Variants in ZDHHC7 observed in about 807,000 individuals in gnomAD.
The protein encoded by ZDHHC7 is palmitoyltransferase ZDHHC7.
A neutral mutation model predicts 34.1 loss-of-function variants in ZDHHC7; 12 were observed. The ratio of observed to expected loss-of-function variants is 0.35; its 90% CI spans 0.23 to 0.57. ZDHHC7 has a LOEUF of 0.57. Ranked by LOEUF, ZDHHC7 falls within the 20% of genes least tolerant of loss-of-function variation. The pLI, the probability that ZDHHC7 is intolerant of heterozygous loss-of-function variation, is 0.84. For synonymous variants in ZDHHC7, 185 were observed against 155.4 expected (o/e 1.19, Z -1.42); for missense variants, 388 against 402.7 (o/e 0.96, Z 0.31).
At chr16:85,008,066 T>C (rs911032021) in intron 1 of ZDHHC7, among the ~76,000 whole-genome samples, 3 of 151,712 alleles carry the variant, frequency 2.0e-5, no homozygotes, top group African/African-American at 4.9e-5. Flanking sequence ...TAGTGAGCCA[T>C]GATTGTGCCA....
chr16:85,009,714 T>TC (rs1567508850), intron 1 of ZDHHC7, among the ~76,000 whole-genome samples: 1 of 144,308 alleles, frequency 6.9e-6, no homozygotes, highest in Admixed American at 6.8e-5. Flanking sequence ...TTTTTCTTTT[T>TC]TTTTTTTTTT....
chr16:84,976,678 C>CCTCT (rs2072302450), intron 7 of ZDHHC7, among the ~76,000 whole-genome samples, 159 bp from the exon 8 acceptor site: 1 of 152,242 alleles, frequency 6.6e-6, no homozygotes, highest in Non-Finnish European at 1.5e-5. Flanking sequence ...GACCCCGTGG[C>CCTCT]CTCTGTGAGC....
intron 1 of ZDHHC7, among the ~76,000 whole-genome samples, chr16:85,002,407 A>G (rs8061350): frequency 0.37 from 56,312 of 152,110 alleles, 12,464 homozygotes; most frequent in African/African-American, 0.63. Flanking sequence ...TGGACAGAAC[A>G]CAGCCTTGAC....
intron 3 of ZDHHC7, among the ~76,000 whole-genome samples, chr16:84,987,176 G>A (rs964543286): frequency 5.9e-5 from 9 of 152,214 alleles, no homozygotes; most frequent in Middle Eastern, 3.2e-3. Context: ...GGGGCTCTGC[G>A]TACTCCCCCT....
chr16:84,988,155 A>T (rs1474000202), intron 3 of ZDHHC7, among the ~76,000 whole-genome samples: 5 of 152,098 alleles, frequency 3.3e-5, no homozygotes, highest in African/African-American at 1.2e-4. Context: ...TGGGCGACAG[A>T]GTGAGACTCC....
the ZDHHC7 span, among the ~76,000 whole-genome samples, chr16:85,022,085 G>A: frequency 8.6e-5 from 13 of 150,914 alleles, no homozygotes; most frequent in African/African-American, 3.2e-4. Context: ...GCGTGAACCC[G>A]GGAGGCGGAG....
intron 5 of ZDHHC7, among the ~76,000 whole-genome samples, chr16:84,978,808 G>A (rs1298527872): frequency 6.7e-6 from 1 of 149,238 alleles, no homozygotes; most frequent in Non-Finnish European, 1.5e-5. Context: ...GTTGCAGTGA[G>A]CTGAGATCAC....
chr16:85,010,930 A>G (rs924341223), intron 1 of ZDHHC7, among the ~76,000 whole-genome samples: 3 of 152,182 alleles, frequency 2.0e-5, no homozygotes, highest in African/African-American at 7.2e-5. Flanking sequence ...CCTATTAAAA[A>G]ACTCTTTACA....
At chr16:85,004,805 T>G (rs1237066932) in intron 1 of ZDHHC7, 8 of 152,156 alleles carry the variant, frequency 5.3e-5, no homozygotes, top group Non-Finnish European at 1.2e-4. Context: ...TGATAAGATC[T>G]GCCAGGGGAG....
chr16:84,998,124 CGTG>C (rs1221061821), intron 1 of ZDHHC7, among the ~76,000 whole-genome samples: 1 of 150,358 alleles, frequency 6.7e-6, no homozygotes, highest in East Asian at 2.0e-4. Context: ...ATTAGCCGGG[CGTG>C]GTGGCGGGCG....
chr16:84,989,199 G>A (rs2072476353), intron 3 of ZDHHC7, among the ~76,000 whole-genome samples: 1 of 152,188 alleles, frequency 6.6e-6, no homozygotes, highest in Non-Finnish European at 1.5e-5. Flanking sequence ...TTGTCCCCAA[G>A]GTACCACTCC....
intron 1 of ZDHHC7, among the ~76,000 whole-genome samples, chr16:85,000,262 C>T (rs1339877843): frequency 6.6e-6 from 1 of 152,088 alleles, no homozygotes; most frequent in Non-Finnish European, 1.5e-5. Context: ...TGCAAGGGTG[C>T]GGCACAAGGC....
At chr16:84,981,740 C>T (rs776010420) in intron 4 of ZDHHC7, 130 bp downstream of exon 4, 396 of 1,537,680 alleles carry the variant, frequency 2.6e-4, no homozygotes, top group Non-Finnish European at 3.2e-4. Context: ...CCTACGGCCC[C>T]GCCCGTACAA....
At chr16:84,979,667 G>C (rs2072341024) in intron 4 of ZDHHC7, among the ~76,000 whole-genome samples, 1 of 151,992 alleles carries the variant, frequency 6.6e-6, no homozygotes, top group South Asian at 2.1e-4. Flanking sequence ...AACATTCTTT[G>C]TATCTTCAAA....
intron 1 of ZDHHC7, among the ~76,000 whole-genome samples, chr16:85,004,548 C>A (rs997921018): frequency 6.6e-6 from 1 of 151,074 alleles, no homozygotes; most frequent in African/African-American, 2.4e-5. Context: ...CCCCACTCCA[C>A]CCCACCACCA....
At chr16:84,992,032 C>A (rs760957901) in intron 2 of ZDHHC7, among the ~76,000 whole-genome samples, 4 of 151,770 alleles carry the variant, frequency 2.6e-5, no homozygotes, top group Non-Finnish European at 5.9e-5. Flanking sequence ...AAAAACCAGC[C>A]GGGCATGGTG....
At chr16:85,013,399 C>A (rs867704902), upstream of ZDHHC7, among the ~76,000 whole-genome samples, 1 of 152,082 alleles carries the variant, frequency 6.6e-6, no homozygotes, top group Non-Finnish European at 1.5e-5. Context: ...CCCGCCACCA[C>A]GTCCGGCTAA....
At position 84,990,335 on chromosome 16, in the gene ZDHHC7, G is replaced by T; in HGVS notation, c.284C>A (p.Ser95Ter). Residue 95 changes from serine to a stop codon, truncating the protein, a stop_gained, in exon 3 of 8, where the codon TCA becomes TAA. Coordinates refer to ENST00000313732, the MANE Select transcript of ZDHHC7 (RefSeq NM_017740.3). LOFTEE classifies it high-confidence loss of function. ...IFNCLAVLAL[S>*]SHLRTMLTDP... ...GGTGAGCATGGTTCTCAGGTGGGATGACAGGGCAAGCACGGCCAAGCAGTT... is the reference window on the plus strand; with the variant it reads ...GGTGAGCATGGTTCTCAGGTGGGATTACAGGGCAAGCACGGCCAAGCAGTT... 6.2e-7 allele frequency: 1 copy of T among 1,614,096 alleles called. No homozygotes were observed. Among genetic ancestry groups the T allele is most frequent in the Non-Finnish European group, 8.5e-7 (1 of 1,180,008 alleles).
chr16:84,997,149 T>G (rs1211042107), intron 1 of ZDHHC7, among the ~76,000 whole-genome samples: 1 of 151,820 alleles, frequency 6.6e-6, no homozygotes, highest in Non-Finnish European at 1.5e-5. Context: ...ATAGGTAAAA[T>G]TCATATTCTT....
Sources: gnomAD v4.1 joint callset for allele counts (sites outside exome capture counted in the v4.1 genomes callset) on GRCh38, gnomAD v4.1.1 for gene constraint, MANE v1.5 for transcripts, NCBI Gene and HGNC (gene_info 2026-07-23, HGNC 2026-07-21) for gene names.